CDYL: variants seen among roughly 807,000 people sequenced by gnomAD.
CDYL encodes the protein chromodomain Y like, also known as chromodomain Y-like protein.
A neutral mutation model predicts 47.3 loss-of-function variants in CDYL; 8 were observed. The observed-to-expected ratio is 0.17, with a 90% CI of 0.10 to 0.31. CDYL has a LOEUF of 0.31. Among genes scored for constraint, CDYL ranks in the 10% least tolerant of loss-of-function variants. The pLI is 1.00. For synonymous variants in CDYL, 266 were observed against 265.0 expected (o/e 1.00, Z -0.04); for missense variants, 471 against 701.4 (o/e 0.67, Z 3.71).
intron 1 of CDYL, among the ~76,000 whole-genome samples, chr6:4,806,267 C>T (rs146173327): frequency 3.3e-5 from 5 of 152,278 alleles, no homozygotes; most frequent in Admixed American, 3.3e-4. Flanking sequence ...TGGCATCAAG[C>T]GTCACCCAGG....
chr6:4,815,197 A>G (rs1759637454), intron 1 of CDYL, among the ~76,000 whole-genome samples: 1 of 152,190 alleles, frequency 6.6e-6, no homozygotes, highest in African/African-American at 2.4e-5. Context: ...ACCTTCCAGA[A>G]TATGCCTGAA....
At chr6:4,813,936 A>ATT (rs10545664) in intron 1 of CDYL, among the ~76,000 whole-genome samples, 2 of 122,862 alleles carry the variant, frequency 1.6e-5, no homozygotes, top group Non-Finnish European at 1.8e-5. Flanking sequence ...TGCCTGGCTA[A>ATT]TTTTTTTTTT....
At chr6:4,798,489 T>G (rs1306689241) in intron 1 of CDYL, among the ~76,000 whole-genome samples, 1 of 152,196 alleles carries the variant, frequency 6.6e-6, no homozygotes, top group Non-Finnish European at 1.5e-5. Flanking sequence ...TTTCTTACCT[T>G]TGATAGTTCT....
At chr6:4,711,676 G>A (rs1757155239) in intron 1 of CDYL, among the ~76,000 whole-genome samples, 1 of 152,178 alleles carries the variant, frequency 6.6e-6, no homozygotes. Flanking sequence ...GGCTGAGTTT[G>A]TCTTCTGGGT....
chr6:4,738,132 T>A (rs1757735986), intron 3 of CDYL, among the ~76,000 whole-genome samples: 1 of 152,162 alleles, frequency 6.6e-6, no homozygotes, highest in South Asian at 2.1e-4. Context: ...TCCCAGCACT[T>A]TGGGAGGCCA....
At chr6:4,828,874 T>C (rs1030220476) in intron 1 of CDYL, among the ~76,000 whole-genome samples, 1 of 151,164 alleles carries the variant, frequency 6.6e-6, no homozygotes, top group African/African-American at 2.5e-5. Flanking sequence ...ATTAATTTTT[T>C]TCTGTTAAAA....
chr6:4,795,651 G>A (rs996748293), intron 1 of CDYL, among the ~76,000 whole-genome samples: 24 of 150,922 alleles, frequency 1.6e-4, no homozygotes, highest in African/African-American at 5.8e-4. Flanking sequence ...TACTGGCTCT[G>A]TGATTCAGCA....
Position 4,715,784 on chromosome 6 carries a change from AT to A in CDYL, c.9del (p.Gln4ArgfsTer27). ...AGAGCCCCCGGAAGAATTTTATGACATTTCAGGCAAGCCACAGGTCAGCCTG... is the reference window on the plus strand; with the variant it reads ...AGAGCCCCCGGAAGAATTTTATGACATTCAGGCAAGCCACAGGTCAGCCTG... On this transcript the variant is annotated frameshift_variant, in exon 2 of 9. Transcript: ENST00000328908. LOFTEE classifies it high-confidence loss of function. The A allele has an allele frequency of 1.9e-6, 3 of 1,614,178 alleles. No homozygotes were observed. Among genetic ancestry groups the A allele is most frequent in the Non-Finnish European group, 2.5e-6 (3 of 1,180,020 alleles).
At chr6:4,891,655 G>A (rs914506216) in intron 1 of CDYL, 58 bp from the exon 2 acceptor site, 21 of 1,377,762 alleles carry the variant, frequency 1.5e-5, no homozygotes, top group South Asian at 5.7e-5. Flanking sequence ...AATGAAACTT[G>A]CACTTTTCCC....
Position 4,844,146 on chromosome 6 carries a change from C to G in CDYL, c.25-47567C>G, listed in dbSNP as rs113113054. ...AGATACCGGGCTCTGGGCTGGTACT[C>G]GGGAGTGTCTGCACAGAGTCCTGTG... On this transcript the variant is annotated intron_variant, in intron 1 of 6. Coordinates refer to ENST00000397588, the MANE Select transcript of CDYL (RefSeq NM_004824.4). 7.7e-3 allele frequency among the ~76,000 whole-genome samples: 1,169 copies of G among 152,244 alleles called. 12 individuals are homozygous for G. Among genetic ancestry groups the G allele is most frequent in the African/African-American group, 0.027 (1,125 of 41,522 alleles).
intron 4 of CDYL, among the ~76,000 whole-genome samples, chr6:4,939,469 A>G (rs1758299163): frequency 6.6e-6 from 1 of 151,984 alleles, no homozygotes; most frequent in African/African-American, 2.4e-5. Flanking sequence ...GAATTACTAT[A>G]TTTTCTCATA....
intron 1 of CDYL, among the ~76,000 whole-genome samples, chr6:4,794,738 G>A (rs1033268220): frequency 5.9e-5 from 9 of 152,070 alleles, no homozygotes; most frequent in African/African-American, 9.7e-5. Flanking sequence ...TGAAAGTTTT[G>A]CATAACCTTT....
Position 4,892,203 on chromosome 6 carries a change from G to T in CDYL, c.515G>T (p.Gly172Val). Residue 172 changes from glycine (G) to valine (V), a missense_variant, in exon 2 of 7, where the codon GGT becomes GTT. This residue lies in a region of CDYL where 311 missense variants were observed against 350.0 expected (regional missense o/e 0.89). Transcript: ENST00000397588. ...GAGAAACTGGACCCCGTCGAGCAGG[G>T]TCAGGAGGACACAGTGGCACCCGAA... ...SPEKLDPVEQ[G>V]QEDTVAPEVA... is the part of the protein sequence containing the mutation. The T allele has an allele frequency of 6.2e-7, 1 of 1,614,236 alleles. No homozygotes were observed. The highest frequency in any genetic ancestry group is 8.5e-7 in the Non-Finnish European group (1 of 1,180,044).
chr6:4,940,856 A>AC (rs1447487095), intron 4 of CDYL, among the ~76,000 whole-genome samples: 3 of 152,150 alleles, frequency 2.0e-5, no homozygotes, highest in Non-Finnish European at 2.9e-5. Context: ...CCTGACCTGT[A>AC]CCCCATTAGT....
chr6:4,710,611 C>G (rs1757134776), intron 1 of CDYL, among the ~76,000 whole-genome samples: 1 of 152,050 alleles, frequency 6.6e-6, no homozygotes, highest in African/African-American at 2.4e-5. Flanking sequence ...TTTCACAGGC[C>G]CATCCAATCT....
intron 3 of CDYL, among the ~76,000 whole-genome samples, chr6:4,735,872 G>A (rs745867886): frequency 4.0e-5 from 6 of 151,214 alleles, no homozygotes; most frequent in Non-Finnish European, 7.4e-5. Flanking sequence ...AGGTTCCCCC[G>A]CCCTCTGTAT....
intron 2 of CDYL, among the ~76,000 whole-genome samples, chr6:4,726,922 T>C (rs1757525068): frequency 6.6e-6 from 1 of 152,136 alleles, no homozygotes; most frequent in African/African-American, 2.4e-5. Flanking sequence ...GACTCATTGA[T>C]TGTTGTAAGG....
intron 1 of CDYL, among the ~76,000 whole-genome samples, chr6:4,834,762 T>C (rs1214124245): frequency 3.3e-5 from 5 of 152,218 alleles, no homozygotes; most frequent in Admixed American, 2.6e-4. Flanking sequence ...TCTTGGAGGC[T>C]TTGTTCATTT....
intron 1 of CDYL, among the ~76,000 whole-genome samples, chr6:4,785,362 T>G (rs1758728938): frequency 6.6e-6 from 1 of 152,242 alleles, no homozygotes; most frequent in South Asian, 2.1e-4. Flanking sequence ...AGAGAATGTC[T>G]TTTATTTACT....
Sources: allele counts gnomAD v4.1 joint callset (sites outside exome capture counted in the v4.1 genomes callset), GRCh38; gene constraint gnomAD v4.1.1; regional missense constraint gnomAD v4.1.1; transcripts MANE v1.5; gene names NCBI Gene and HGNC (gene_info 2026-07-23, HGNC 2026-07-21).